Variants in TMC1 observed in about 807,000 individuals in gnomAD.
TMC1 encodes the protein transmembrane channel-like protein 1.
TMC1 carries 84 observed loss-of-function variants against 105.8 expected under a neutral mutation model. The ratio of observed to expected loss-of-function variants is 0.79; its 90% CI spans 0.67 to 0.95. TMC1 has a LOEUF of 0.95. Among genes scored for constraint, TMC1 ranks in the 40% least tolerant of loss-of-function variants. TMC1 has a pLI of 0.00. For missense variants in TMC1, 817 were observed against 914.1 expected (o/e 0.89, Z 1.37); for synonymous variants, 315 against 311.5 (o/e 1.01, Z -0.12).
intron 3 of TMC1, 119 bp from the exon 4 acceptor site, chr9:72,627,802 G>A: frequency 3.1e-6 from 1 of 327,844 alleles, no homozygotes; most frequent in Non-Finnish European, 6.0e-6. Flanking sequence ...TAGTTACCTT[G>A]TAAATACCAT....
intron 2 of TMC1, among the ~76,000 whole-genome samples, chr9:72,605,254 A>G (rs1415320139): frequency 1.3e-5 from 2 of 152,236 alleles, no homozygotes; most frequent in Non-Finnish European, 2.9e-5. Context: ...AAAATTTAGC[A>G]GCTTAAAACA....
chr9:72,545,561 C>T (rs1823752990), intron 1 of TMC1, among the ~76,000 whole-genome samples: 1 of 152,158 alleles, frequency 6.6e-6, no homozygotes, highest in African/African-American at 2.4e-5. Context: ...CATCTTGGCT[C>T]ACTGCAACCT....
chr9:72,652,856 A>G lies in TMC1; in HGVS notation c.16+4192A>G, dbSNP rs7869181. Among the ~76,000 whole-genome samples the G allele has an allele frequency of 9.3e-3, 1,413 of 152,290 alleles. 25 individuals carry two copies. Among genetic ancestry groups the G allele is most frequent in the African/African-American group, 0.032 (1,321 of 41,546 alleles). The stretch of plus-strand genomic sequence containing the variant: ...TAATGCTTGTGAAAGCCATTTCTAA[A>G]CTTTGAATTGACATACAAAATAAAG... On this transcript the variant is annotated intron_variant, in intron 5 of 23. Coordinates refer to ENST00000297784, the MANE Select transcript of TMC1 (RefSeq NM_138691.3).
chr9:72,593,492 A>T (rs1824670343), intron 2 of TMC1, among the ~76,000 whole-genome samples: 1 of 151,966 alleles, frequency 6.6e-6, no homozygotes. Context: ...TCCCGGGTTC[A>T]AGAAATTCTC....
At chr9:72,663,852 A>G (rs1826002434) in intron 5 of TMC1, among the ~76,000 whole-genome samples, 3 of 152,328 alleles carry the variant, frequency 2.0e-5, no homozygotes, top group African/African-American at 4.8e-5. Flanking sequence ...TTTTCTTTAT[A>G]TACTTATTCT....
chr9:72,549,608 A>ATTTT (rs71357585), intron 1 of TMC1, among the ~76,000 whole-genome samples: 2 of 120,838 alleles, frequency 1.7e-5, no homozygotes, highest in Non-Finnish European at 3.4e-5. Context: ...ACATCTGGCT[A>ATTTT]TTTTTTTTTT....
At chr9:72,810,553 T>G (rs1828685272) in intron 18 of TMC1, among the ~76,000 whole-genome samples, 1 of 152,206 alleles carries the variant, frequency 6.6e-6, no homozygotes, top group Non-Finnish European at 1.5e-5. Context: ...GTGCTACATA[T>G]TTATATATAG....
chr9:72,598,073 G>A lies in TMC1; in HGVS notation c.-305-18295G>A, dbSNP rs58458224. 6.6e-3 allele frequency among the ~76,000 whole-genome samples: 1,010 copies of A among 152,302 alleles called. 16 individuals are homozygous for A. The highest frequency in any genetic ancestry group is 0.023 in the African/African-American group (971 of 41,562). On this transcript the variant is annotated intron_variant, in intron 2 of 23. Transcript: ENST00000297784. Reference sequence around the variant, plus strand: ...TTTATATCCTAGCAGAGCAGATATTGTCAATGGAAAATGGAAACAAAACAA... The same window carrying A: ...TTTATATCCTAGCAGAGCAGATATTATCAATGGAAAATGGAAACAAAACAA...
chr9:72,601,187 C>CACACAG (rs1163514208), intron 2 of TMC1, among the ~76,000 whole-genome samples: 81 of 110,446 alleles, frequency 7.3e-4, no homozygotes, highest in Middle Eastern at 0.011. Context: ...CACACACACA[C>CACACAG]ACACACAGAC....
chr9:72,837,391 A>G lies in TMC1; in HGVS notation c.*1418A>G, dbSNP rs543907200. The G allele has an allele frequency of 6.6e-6, 1 of 152,156 alleles. No individual in the cohort carries two copies. Among genetic ancestry groups the G allele is most frequent in the South Asian group, 2.1e-4 (1 of 4,818 alleles). The allele number at this position is 152,156 out of a possible 1,614,324, so 9.4% of individuals were successfully genotyped here. A position where few individuals can be genotyped will look rare whatever the true frequency, so the allele number is the denominator to read the frequency against. On this transcript the variant is annotated 3_prime_UTR_variant, in exon 24 of 24. Coordinates refer to ENST00000297784, the MANE Select transcript of TMC1 (RefSeq NM_138691.3). The stretch of plus-strand genomic sequence containing the variant: ...TTAACCACCACCTGACCATCACCAA[A>G]TGGTCACCTGACATTCCTGTGGGAT...
chr9:72,665,695 G>A (rs2487471), intron 5 of TMC1, among the ~76,000 whole-genome samples: 35,044 of 152,074 alleles, frequency 0.23, 4,321 homozygotes, highest in East Asian at 0.38. Flanking sequence ...CTGGCATCAC[G>A]ATACCTTAGT....
chr9:72,568,762 C>T (rs931585812), intron 1 of TMC1, among the ~76,000 whole-genome samples: 2 of 152,162 alleles, frequency 1.3e-5, no homozygotes, highest in African/African-American at 2.4e-5. Context: ...TTTGTATTTA[C>T]TCATTGTGCC....
Position 72,768,044 on chromosome 9 carries a change from T to C in TMC1, c.742-4369T>C, listed in dbSNP as rs73647821. On this transcript the variant is annotated intron_variant, in intron 12 of 23. Transcript: ENST00000297784. The stretch of plus-strand genomic sequence containing the variant: ...AGCCTTTAAAAACTGTGTTCTTCTA[T>C]TCACAATAGCAAAGACTTGGAACCA... Among the ~76,000 whole-genome samples the C allele has an allele frequency of 2.1e-3, 313 of 152,268 alleles. 2 individuals are homozygous for C. Among genetic ancestry groups the C allele is most frequent in the African/African-American group, 7.3e-3 (302 of 41,540 alleles).
intron 13 of TMC1, among the ~76,000 whole-genome samples, chr9:72,785,719 T>C (rs1828158274): frequency 6.6e-6 from 1 of 152,092 alleles, no homozygotes; most frequent in Admixed American, 6.5e-5. Flanking sequence ...CTGGGCAGGG[T>C]GAAGTGGGAA....
chr9:72,607,496 G>A (rs995167324), intron 2 of TMC1, among the ~76,000 whole-genome samples: 8 of 151,728 alleles, frequency 5.3e-5, no homozygotes, highest in African/African-American at 1.9e-4. Flanking sequence ...GCGGGCGCCT[G>A]TAGTCCCAGC....
chr9:72,764,390 A>G (rs1827799648), intron 12 of TMC1, among the ~76,000 whole-genome samples: 2 of 152,054 alleles, frequency 1.3e-5, no homozygotes, highest in African/African-American at 4.8e-5. Context: ...TATGCTTTTA[A>G]TCTCCTCCTT....
intron 1 of TMC1, among the ~76,000 whole-genome samples, chr9:72,547,552 T>C (rs1823793132): frequency 6.6e-6 from 1 of 152,224 alleles, no homozygotes; most frequent in Non-Finnish European, 1.5e-5. Context: ...TTCAGTCATA[T>C]GGTGACTATT....
chr9:72,544,237 C>G (rs1052459455), intron 1 of TMC1, among the ~76,000 whole-genome samples: 21 of 151,590 alleles, frequency 1.4e-4, no homozygotes, highest in African/African-American at 5.1e-4. Flanking sequence ...GTGTGAGCCA[C>G]TGCACCCAGC....
At chr9:72,656,068 C>T in intron 5 of TMC1, 2 of 706,984 alleles carry the variant, frequency 2.8e-6, no homozygotes, top group Non-Finnish European at 5.2e-6. Flanking sequence ...TTCCTTTGCT[C>T]CTCTGATCAA....
Sources: gnomAD v4.1 joint callset for allele counts (sites outside exome capture counted in the v4.1 genomes callset) on GRCh38, gnomAD v4.1.1 for gene constraint, MANE v1.5 for transcripts, NCBI Gene and HGNC (gene_info 2026-07-23, HGNC 2026-07-21) for gene names.